The following AKAP6 variants were observed in gnomAD, a reference collection of about 807,000 sequenced individuals.
AKAP6 encodes A-kinase anchor protein 6.
A neutral mutation model predicts 188.5 loss-of-function variants in AKAP6; 58 were observed. The ratio of observed to expected loss-of-function variants is 0.31; its 90% CI spans 0.25 to 0.38. The LOEUF is 0.38. Among genes scored for constraint, AKAP6 ranks in the 10% least tolerant of loss-of-function variants. AKAP6 has a pLI of 1.00. For missense variants in AKAP6, 2,710 were observed against 2,740.0 expected (o/e 0.99, Z 0.24); for synonymous variants, 989 against 998.6 (o/e 0.99, Z 0.18).
intron 1 of AKAP6, among the ~76,000 whole-genome samples, chr14:32,385,725 C>T (rs577735873): frequency 2.7e-4 from 41 of 151,426 alleles, no homozygotes; most frequent in Non-Finnish European, 4.9e-4. Context: ...CAGGTTGCTA[C>T]GAATGCCATT....
intron 2 of AKAP6, among the ~76,000 whole-genome samples, chr14:32,521,873 A>G (rs1365434831): frequency 6.6e-6 from 1 of 152,212 alleles, no homozygotes; most frequent in Non-Finnish European, 1.5e-5. Flanking sequence ...AAGAGCCTGT[A>G]TTGCCAAGAC....
At chr14:32,353,053 A>AT (rs35526201) in intron 1 of AKAP6, among the ~76,000 whole-genome samples, 10,066 of 149,694 alleles carry the variant, frequency 0.067, 386 homozygotes, top group South Asian at 0.12. Flanking sequence ...TCATACCAGC[A>AT]TTTTTTTTTT....
At chr14:32,710,847 T>C (rs1891027275) in intron 9 of AKAP6, among the ~76,000 whole-genome samples, 1 of 152,078 alleles carries the variant, frequency 6.6e-6, no homozygotes, top group Admixed American at 6.6e-5. Flanking sequence ...GGCTGACAAC[T>C]ATGACCTGCA....
At chr14:32,723,148 A>C (rs964696580) in intron 9 of AKAP6, among the ~76,000 whole-genome samples, 4 of 152,180 alleles carry the variant, frequency 2.6e-5, no homozygotes, top group African/African-American at 9.7e-5. Flanking sequence ...AAGTCTTGTG[A>C]AGGGGTCAAG....
At position 32,342,701 on chromosome 14, in the gene AKAP6, G is replaced by A. The variant is rs192820297; in HGVS notation, c.-35+13293G>A. Reference sequence around the variant, plus strand: ...ACTGTGGTAAAGAGAGGAAGAAAATGCAGTGTCAGCGCTGGATGGAGACTC... The same window carrying A: ...ACTGTGGTAAAGAGAGGAAGAAAATACAGTGTCAGCGCTGGATGGAGACTC... On this transcript the variant is annotated intron_variant, in intron 1 of 13. Transcript: ENST00000280979. 1.4e-3 allele frequency among the ~76,000 whole-genome samples: 217 copies of A among 152,264 alleles called. 5 individuals are homozygous for A. Among genetic ancestry groups the A allele is most frequent in the East Asian group, 4.2e-3 (22 of 5,178 alleles).
rs766644533 is a variant in AKAP6 at position 32,545,567 on chromosome 14, G to T, written c.914G>T (p.Gly305Val). The T allele has an allele frequency of 6.2e-7, 1 of 1,614,190 alleles. No homozygotes were observed. The highest frequency in any genetic ancestry group is 1.1e-5 in the South Asian group (1 of 91,088). ...SQVSLSVDDK[G>V]GCEEDNASAV... ...GTATCTCTCTCAGTAGACGACAAAGGTGGATGTGAGGAAGACAATGCTTCT... is the reference window on the plus strand; with the variant it reads ...GTATCTCTCTCAGTAGACGACAAAGTTGGATGTGAGGAAGACAATGCTTCT... The change falls in exon 4 of 14, where the codon GGT becomes GTT. Residue 305 changes from glycine (G) to valine (V), a missense_variant. By Grantham distance (109) the Gly-to-Val change is moderately radical. This residue lies in a region of AKAP6 where 2,473 missense variants were observed against 2,426.1 expected (regional missense o/e 1.02). Coordinates refer to ENST00000280979, the MANE Select transcript of AKAP6 (RefSeq NM_004274.5).
At chr14:32,545,099 G>T in intron 3 of AKAP6, 131 bp from the exon 4 acceptor site, 1 of 819,818 alleles carries the variant, frequency 1.2e-6, no homozygotes, top group Non-Finnish European at 1.9e-6. Flanking sequence ...CTTTGTGTAT[G>T]TCAAACCACA....
In AKAP6 at chr14:32,546,293, A is replaced by G. The variant is rs750399978; in HGVS notation, c.1640A>G (p.Asn547Ser). The stretch of plus-strand genomic sequence containing the variant: ...AAGGCCATAGAGGGGCCACAAACAA[A>G]TTCTGCTTCCACATCCTCACTTGAG... Reference protein sequence around the residue: ...TSKAIEGPQTNSASTSSLEPC... With the variant: ...TSKAIEGPQTSSASTSSLEPC... The change falls in exon 4 of 14, where the codon AAT becomes AGT. Residue 547 changes from asparagine (N) to serine (S), a missense_variant. Asn to Ser is a conservative substitution (Grantham distance 46). Coordinates refer to ENST00000280979, the MANE Select transcript of AKAP6 (RefSeq NM_004274.5). 6.2e-7 allele frequency: 1 copy of G among 1,614,036 alleles called. No individual in the cohort carries two copies. Among genetic ancestry groups the G allele is most frequent in the Admixed American group, 1.7e-5 (1 of 59,998 alleles).
chr14:32,583,206 T>C (rs1399484512), intron 5 of AKAP6, among the ~76,000 whole-genome samples: 4 of 152,254 alleles, frequency 2.6e-5, no homozygotes, highest in East Asian at 3.9e-4. Context: ...TTCCTTCTAA[T>C]AGACAGGACC....
chr14:32,801,465 T>C (rs1012689985), intron 12 of AKAP6, among the ~76,000 whole-genome samples: 3 of 152,214 alleles, frequency 2.0e-5, no homozygotes, highest in African/African-American at 7.2e-5. Context: ...ATTGCTGTCA[T>C]CACTTTATTC....
chr14:32,353,300 C>T (rs578001414), intron 1 of AKAP6, among the ~76,000 whole-genome samples: 40 of 152,172 alleles, frequency 2.6e-4, no homozygotes, highest in African/African-American at 4.1e-4. Context: ...CAGTGGCTCA[C>T]GCCTGTAATC....
At chr14:32,760,132 C>A (rs1399522266) in intron 11 of AKAP6, among the ~76,000 whole-genome samples, 1 of 152,124 alleles carries the variant, frequency 6.6e-6, no homozygotes, top group African/African-American at 2.4e-5. Context: ...TTGTTTCATG[C>A]AAATTATTGC....
Position 32,618,254 on chromosome 14 carries a change from G to T in AKAP6, c.2730+17462G>T, listed in dbSNP as rs1886665684. Among the ~76,000 whole-genome samples the T allele has an allele frequency of 3.3e-5, 5 of 152,092 alleles. No individual in the cohort carries two copies. In the South Asian group the frequency reaches 1.0e-3, roughly 32 times the overall value. On this transcript the variant is annotated intron_variant, in intron 7 of 13. Coordinates refer to ENST00000280979, the MANE Select transcript of AKAP6 (RefSeq NM_004274.5). ...CGGTTTTTGTTTACACGGATGAATT[G>T]TATAGTGGTGAAACCTGAGATTTTA...
intron 1 of AKAP6, among the ~76,000 whole-genome samples, chr14:32,384,082 G>A (rs769452708): frequency 6.6e-6 from 1 of 152,150 alleles, no homozygotes. Flanking sequence ...GGAATTAGGA[G>A]CACCTGATTA....
At chr14:32,507,289 G>A (rs1880929091) in intron 2 of AKAP6, among the ~76,000 whole-genome samples, 2 of 152,216 alleles carry the variant, frequency 1.3e-5, no homozygotes, top group Admixed American at 1.3e-4. Context: ...AGGCACAGTA[G>A]TAATCACTAG....
chr14:32,393,872 T>G (rs1237400231), intron 1 of AKAP6, among the ~76,000 whole-genome samples: 1 of 152,172 alleles, frequency 6.6e-6, no homozygotes, highest in Non-Finnish European at 1.5e-5. Flanking sequence ...GTTATTTGTT[T>G]TAATTCCAAC....
chr14:32,570,820 A>AC (rs897355556), intron 4 of AKAP6, among the ~76,000 whole-genome samples: 2 of 152,010 alleles, frequency 1.3e-5, no homozygotes, highest in African/African-American at 4.8e-5. Context: ...CTTTTAATAT[A>AC]CCCTTCCATG....
At chr14:32,531,371 C>G (rs895438946) in intron 2 of AKAP6, among the ~76,000 whole-genome samples, 1 of 152,166 alleles carries the variant, frequency 6.6e-6, no homozygotes, top group Admixed American at 6.5e-5. Flanking sequence ...TGCTGATGAT[C>G]ACAGTACCGT....
intron 12 of AKAP6, among the ~76,000 whole-genome samples, chr14:32,798,005 G>C (rs1482613810): frequency 6.8e-6 from 1 of 147,736 alleles, no homozygotes; most frequent in East Asian, 2.0e-4. Flanking sequence ...ATGTGACAAA[G>C]GTCTAATATC....
Sources: gnomAD v4.1 joint callset for allele counts (sites outside exome capture counted in the v4.1 genomes callset) on GRCh38, gnomAD v4.1.1 for gene constraint, gnomAD v4.1.1 regional missense constraint, MANE v1.5 for transcripts, NCBI Gene and HGNC (gene_info 2026-07-23, HGNC 2026-07-21) for gene names.